ANK3: variants seen among roughly 807,000 people sequenced by gnomAD.
The protein encoded by ANK3 is ankyrin-3.
A neutral mutation model predicts 370.9 loss-of-function variants in ANK3; 57 were observed. The ratio of observed to expected loss-of-function variants is 0.15; its 90% CI spans 0.12 to 0.19. The LOEUF is 0.19. Among genes scored for constraint, ANK3 ranks in the 10% least tolerant of loss-of-function variants. The pLI is 1.00. For synonymous variants in ANK3, 1,929 were observed against 1,946.3 expected, an observed-to-expected ratio of 0.99 and a Z score of 0.23; for missense variants, 4,439 against 5,302.1, an observed-to-expected ratio of 0.84 and a Z score of 5.06.
At chr10:60,385,956 C>T (rs557529592) in intron 1 of ANK3, among the ~76,000 whole-genome samples, 16 of 152,230 alleles carry the variant, frequency 1.1e-4, no homozygotes, top group South Asian at 2.1e-4. Context: ...GGGCATGACA[C>T]GCAGGTAACA....
intron 21 of ANK3, among the ~76,000 whole-genome samples, chr10:60,168,708 C>T (rs2095691288): frequency 6.6e-6 from 1 of 152,074 alleles, no homozygotes; most frequent in Non-Finnish European, 1.5e-5. Context: ...CCCTCCCCAC[C>T]CCCAGGCCCC....
chr10:60,055,639 G>C lies in ANK3; in HGVS notation c.13065+19C>G. 6.3e-7 allele frequency: 1 copy of C among 1,580,808 alleles called. No individual in the cohort carries two copies. The highest frequency in any genetic ancestry group is 8.6e-7 in the Non-Finnish European group (1 of 1,166,842). On this transcript the variant is annotated intron_variant, in intron 42 of 43. Transcript: ENST00000280772. Reference sequence around the variant, plus strand: ...ACTTTCCATTTCAATGACTGCTACCGGATGACCAGATGACGTACCTTTTGC... The same window carrying C: ...ACTTTCCATTTCAATGACTGCTACCCGATGACCAGATGACGTACCTTTTGC...
At chr10:60,207,961 C>G in intron 10 of ANK3, 75 bp downstream of exon 10, 1 of 1,294,798 alleles carries the variant, frequency 7.7e-7, no homozygotes, top group Non-Finnish European at 1.1e-6. Flanking sequence ...CTCCTCAAAG[C>G]ATTCCCTTCA....
chr10:60,264,152 T>A lies in ANK3; in HGVS notation c.514-132A>T, dbSNP rs942849381. 1.6e-5 allele frequency: 11 copies of A among 676,974 alleles called. No individual in the cohort carries two copies. In the African/African-American group the frequency reaches 1.8e-4, roughly 11 times the overall value. 41.9% of individuals were successfully genotyped at this position (676,974 alleles called of 1,614,324 possible). A position where few individuals can be genotyped will look rare whatever the true frequency, so the allele number is the denominator to read the frequency against. On this transcript the variant is annotated intron_variant, in intron 5 of 43. Transcript: ENST00000280772. ...GGATTATTAAAACTAACAACATATT[T>A]GAATGGACAGAAATGTGAAAGATAT...
intron 1 of ANK3, among the ~76,000 whole-genome samples, chr10:60,348,590 T>G (rs1229523659): frequency 1.3e-5 from 2 of 152,148 alleles, no homozygotes; most frequent in African/African-American, 2.4e-5. Context: ...TACAAATACA[T>G]TACCCACTTC....
intron 1 of ANK3, among the ~76,000 whole-genome samples, chr10:60,632,309 A>G (rs2078495180): frequency 1.3e-5 from 2 of 152,178 alleles, no homozygotes; most frequent in Admixed American, 1.3e-4. Context: ...TAATTTACTT[A>G]TAAGACAACA....
At position 60,056,004 on chromosome 10, in the gene ANK3, T is replaced by C; in HGVS notation, c.12719A>G (p.Tyr4240Cys). ...AAATTTGCCAGCTTCTCCTTTGAGA[T>C]ATGAGGTAATGGAATCTCTACACTG... The part of the protein sequence containing the change: ...PDQCRDSITS[Y>C]LKGEAGKFEA... The change falls in exon 42 of 44, where the codon TAT becomes TGT. Residue 4240 changes from tyrosine (Y) to cysteine (C), a missense_variant. Around this residue, in one of 13 missense-constraint regions of ANK3, gnomAD observed 242 missense variants for 228.0 expected, o/e 1.06. Transcript: ENST00000280772. The C allele has an allele frequency of 4.3e-6, 7 of 1,613,586 alleles. No individual in the cohort carries two copies. The highest frequency in any genetic ancestry group is 5.9e-6 in the Non-Finnish European group (7 of 1,179,944).
intron 28 of ANK3, among the ~76,000 whole-genome samples, chr10:60,089,126 A>G (rs1276941412): frequency 6.6e-6 from 1 of 152,240 alleles, no homozygotes; most frequent in Non-Finnish European, 1.5e-5. Flanking sequence ...GTTTAGCATC[A>G]TCATCACCAA....
In ANK3 at chr10:60,270,204, G is replaced by A; in HGVS notation, c.440C>T (p.Ala147Val). The A allele has an allele frequency of 6.3e-7, 1 of 1,599,360 alleles. No individual in the cohort carries two copies. Among genetic ancestry groups the A allele is most frequent in the Non-Finnish European group, 8.5e-7 (1 of 1,171,606 alleles). ...AACTTCCAGGTGATTTTCCTGGGCT[G>A]CCATATACAATGGCGTGAAACCATT... ...SQNGFTPLYM[A>V]AQENHLEVVK... Residue 147 changes from alanine to valine, a missense_variant, in exon 5 of 44, where the codon GCA becomes GTA. By Grantham distance (64) the Ala-to-Val change is moderately conservative (BLOSUM62 0). This residue lies in a region of ANK3 where 136 missense variants were observed against 230.5 expected (regional missense o/e 0.59). Transcript: ENST00000280772.
chr10:60,647,165 A>G (rs935176214), intron 1 of ANK3, among the ~76,000 whole-genome samples: 4 of 152,350 alleles, frequency 2.6e-5, no homozygotes, highest in African/African-American at 9.6e-5. Flanking sequence ...AATAAAAGGT[A>G]TAACATGTTA....
At chr10:60,369,745 C>T (rs1384662072) in intron 1 of ANK3, among the ~76,000 whole-genome samples, 1 of 152,150 alleles carries the variant, frequency 6.6e-6, no homozygotes, top group Non-Finnish European at 1.5e-5. Flanking sequence ...TGTTCTCTCT[C>T]ATGTTTGTCT....
chr10:60,052,205 C>CA (rs2078187376), intron 42 of ANK3, among the ~76,000 whole-genome samples: 1 of 151,950 alleles, frequency 6.6e-6, no homozygotes, highest in Admixed American at 6.6e-5. Context: ...TACTAAAATA[C>CA]AAAAAATAGC....
chr10:60,080,376 A>T, intron 36 of ANK3, 161 bp downstream of exon 36: 1 of 608,996 alleles, frequency 1.6e-6, no homozygotes, highest in Non-Finnish European at 2.8e-6. Flanking sequence ...TCACATCTTC[A>T]ACTAGGCACA....
chr10:60,172,177 A>T (rs1217549938), intron 21 of ANK3, 131 bp downstream of exon 21: 7 of 657,162 alleles, frequency 1.1e-5, no homozygotes, highest in Non-Finnish European at 1.9e-5. Context: ...GACTACCAAC[A>T]ATGAGGTGAC....
chr10:60,330,586 G>T (rs1219608089), intron 1 of ANK3, among the ~76,000 whole-genome samples: 1 of 152,204 alleles, frequency 6.6e-6, no homozygotes, highest in Non-Finnish European at 1.5e-5. Context: ...ACGCCAGTTA[G>T]AATGGCGATC....
chr10:60,157,886 AAGAGAGAGAGAGAGAGAG>A (rs59965251), intron 23 of ANK3, among the ~76,000 whole-genome samples: 8 of 132,770 alleles, frequency 6.0e-5, no homozygotes, highest in South Asian at 2.7e-4. Flanking sequence ...GAGAGAGAAA[AAGAGAGAGAGAGAGAGAG>A]AGAGAGAGAG....
At chr10:60,383,856 G>A (rs1218533753) in intron 1 of ANK3, among the ~76,000 whole-genome samples, 4 of 152,168 alleles carry the variant, frequency 2.6e-5, no homozygotes, top group Non-Finnish European at 5.9e-5. Flanking sequence ...GGGAAAGCCT[G>A]TAAAACATCA....
chr10:60,503,389 T>C (rs2075855662), intron 2 of ANK3, among the ~76,000 whole-genome samples: 1 of 152,192 alleles, frequency 6.6e-6, no homozygotes, highest in Non-Finnish European at 1.5e-5. Flanking sequence ...ATGCAAGCAC[T>C]TTATATGGAT....
At chr10:60,063,558 A>C (rs1183987904) in intron 39 of ANK3, among the ~76,000 whole-genome samples, 1 of 152,238 alleles carries the variant, frequency 6.6e-6, no homozygotes, top group African/African-American at 2.4e-5. Context: ...TCCTCTTAGA[A>C]TGTCAAAATA....
Sources: allele counts gnomAD v4.1 joint callset (sites outside exome capture counted in the v4.1 genomes callset), GRCh38; gene constraint gnomAD v4.1.1; regional missense constraint gnomAD v4.1.1; transcripts MANE v1.5; gene names NCBI Gene and HGNC (gene_info 2026-07-23, HGNC 2026-07-21).